Variants in MAP4 observed in about 807,000 individuals in gnomAD.
MAP4 encodes microtubule associated protein 4.
A neutral mutation model predicts 170.2 loss-of-function variants in MAP4; 76 were observed. That is an observed-to-expected ratio of 0.45 (90% CI 0.37 to 0.54). The LOEUF is 0.54. Among genes scored for constraint, MAP4 ranks in the 20% least tolerant of loss-of-function variants. MAP4 has a pLI of 0.00. For missense variants in MAP4, 2,506 were observed against 2,748.0 expected (o/e 0.91, Z 1.97); for synonymous variants, 909 against 994.5 (o/e 0.91, Z 1.62).
chr3:47,897,204 A>C (rs2100027332), intron 10 of MAP4, among the ~76,000 whole-genome samples: 1 of 151,994 alleles, frequency 6.6e-6, no homozygotes. Flanking sequence ...TCGGCTAACT[A>C]CAACCTCTGC....
intron 1 of MAP4, among the ~76,000 whole-genome samples, chr3:48,021,697 TTCAAA>T (rs1344236755): frequency 2.0e-5 from 3 of 152,194 alleles, no homozygotes; most frequent in African/African-American, 7.2e-5. Flanking sequence ...GTTTTTTCTT[TTCAAA>T]TCAAACTGAA....
intron 2 of MAP4, among the ~76,000 whole-genome samples, chr3:47,983,756 T>C (rs2100086874): frequency 1.3e-5 from 2 of 152,030 alleles, no homozygotes; most frequent in Admixed American, 1.3e-4. Context: ...TGGGCTCAAG[T>C]GGTACTCCTG....
At chr3:47,928,387 T>A (rs760166310) in intron 3 of MAP4, 37 bp from the exon 4 acceptor site, 41 of 1,609,544 alleles carry the variant, frequency 2.5e-5, no homozygotes, top group Non-Finnish European at 3.3e-5. Flanking sequence ...TTACAAGATA[T>A]TACAGTTTTC....
chr3:48,068,382 C>T (rs2100139340), intron 1 of MAP4, among the ~76,000 whole-genome samples: 1 of 151,924 alleles, frequency 6.6e-6, no homozygotes, highest in African/African-American at 2.4e-5. Context: ...GCACCATGAT[C>T]TCCTTAAGGC....
At chr3:48,076,353 T>C (rs570231823) in intron 1 of MAP4, among the ~76,000 whole-genome samples, 1 of 150,708 alleles carries the variant, frequency 6.6e-6, no homozygotes, top group African/African-American at 2.4e-5. Flanking sequence ...AAAAAAAAAA[T>C]TAGCCGGGCA....
chr3:47,930,241 C>G (rs1185675411), intron 3 of MAP4, among the ~76,000 whole-genome samples: 2 of 150,698 alleles, frequency 1.3e-5, no homozygotes, highest in Non-Finnish European at 3.0e-5. Flanking sequence ...GTCAGGAGAT[C>G]GAGACCATCC....
At chr3:48,069,689 T>C (rs964647098) in intron 1 of MAP4, among the ~76,000 whole-genome samples, 2 of 152,198 alleles carry the variant, frequency 1.3e-5, no homozygotes, top group Non-Finnish European at 2.9e-5. Context: ...TCCCTATTAT[T>C]GTTATCTTAT....
rs1337539753 is a variant in MAP4 at position 47,959,573 on chromosome 3, G to A, written c.292+18292C>T. ...AGATCGAGACCATCCTGGCTAACAC[G>A]GTGAAACCCCGTCTCTACTAAAAAT... On this transcript the variant is annotated intron_variant, in intron 3 of 20. Coordinates refer to ENST00000683076, the MANE Select transcript of MAP4 (RefSeq NM_001385682.1). 3.9e-5 allele frequency among the ~76,000 whole-genome samples: 6 copies of A among 151,972 alleles called. No individual in the cohort carries two copies. The South Asian group carries it at 8.3e-4, about 21-fold the overall frequency.
chr3:47,871,001 C>A lies in MAP4; in HGVS notation c.6106G>T (p.Ala2036Ser), dbSNP rs35350483. Residue 2036 changes from alanine to serine, a missense_variant, in exon 15 of 21, where the codon GCC becomes TCC. By Grantham distance (99) the Ala-to-Ser change is moderately conservative. Coordinates refer to ENST00000683076, the MANE Select transcript of MAP4 (RefSeq NM_001385682.1). ...GAGGGCCGGGAGGGCATGGGTGTGG[C>A]CTTGACTCGGCTGGGAACCACCCCT... ...AAGVVPSRVKATPMPSRPSTT... is the reference protein window; with the variant it reads ...AAGVVPSRVKSTPMPSRPSTT... 4.3e-6 allele frequency: 7 copies of A among 1,614,044 alleles called. No homozygotes were observed. The highest frequency in any genetic ancestry group is 5.9e-6 in the Non-Finnish European group (7 of 1,180,020).
intron 19 of MAP4, among the ~76,000 whole-genome samples, chr3:47,854,478 C>T (rs1432483483): frequency 4.6e-5 from 7 of 152,200 alleles, no homozygotes; most frequent in African/African-American, 1.4e-4. Context: ...CTCCTGGCCC[C>T]TCTCCCCTGC....
rs2041137846 is a variant in MAP4 at position 47,851,065 on chromosome 3, GCCC to G, written c.*1866_*1868del. The G allele has an allele frequency of 1.3e-5, 2 of 152,264 alleles. No individual in the cohort carries two copies. The highest frequency in any genetic ancestry group is 2.9e-5 in the Non-Finnish European group (2 of 68,086). The allele number at this position is 152,264 out of a possible 1,614,324, so 9.4% of individuals were successfully genotyped here. A position where few individuals can be genotyped will look rare whatever the true frequency, so the allele number is the denominator to read the frequency against. On this transcript the variant is annotated 3_prime_UTR_variant, in exon 21 of 21. Coordinates refer to ENST00000683076, the MANE Select transcript of MAP4 (RefSeq NM_001385682.1). ...GCAGGTACTCTGGGCCTGTGCTGTT[GCCC>G]CTGAGGTGTCTCCTGACTACGCAAC...
In MAP4 at chr3:47,898,781, C is replaced by T. The variant is rs2100028424; in HGVS notation, c.5434+4169G>A. Reference sequence around the variant, plus strand: ...CAACATAGCAGGACCCACATCTATACAAAAAAAATAAGAAAAAAATGTTTT... The same window carrying T: ...CAACATAGCAGGACCCACATCTATATAAAAAAAATAAGAAAAAAATGTTTT... On this transcript the variant is annotated intron_variant, in intron 10 of 20. Transcript: ENST00000683076. Among the ~76,000 whole-genome samples the T allele has an allele frequency of 2.6e-5, 4 of 151,624 alleles. No individual in the cohort carries two copies. In the South Asian group the frequency reaches 8.4e-4, roughly 32 times the overall value.
chr3:47,961,093 G>GT (rs1324268555), intron 3 of MAP4: 1 of 153,404 alleles, frequency 6.5e-6, no homozygotes, highest in African/African-American at 2.4e-5. Flanking sequence ...CTCACTGTCA[G>GT]TGATACTGCC....
chr3:47,933,119 G>A (rs2100050826), intron 3 of MAP4, among the ~76,000 whole-genome samples: 1 of 151,968 alleles, frequency 6.6e-6, no homozygotes, highest in Admixed American at 6.6e-5. Flanking sequence ...TATGCTAAGT[G>A]AGGAAATCAA....
At chr3:47,955,476 ACACACT>A (rs1294755454) in intron 3 of MAP4, among the ~76,000 whole-genome samples, 2 of 146,238 alleles carry the variant, frequency 1.4e-5, no homozygotes, top group African/African-American at 5.0e-5. Flanking sequence ...ACACACACAC[ACACACT>A]AGTCAACTAT....
intron 2 of MAP4, among the ~76,000 whole-genome samples, chr3:47,982,575 T>A (rs2154296577): frequency 6.6e-6 from 1 of 152,292 alleles, no homozygotes; most frequent in East Asian, 1.9e-4. Flanking sequence ...ACTAAACTTT[T>A]GCTACAAAAT....
At chr3:47,921,522 CA>C (rs201439995) in intron 5 of MAP4, among the ~76,000 whole-genome samples, 21 of 149,926 alleles carry the variant, frequency 1.4e-4, no homozygotes, top group Middle Eastern at 3.5e-3. Context: ...TCTCACCTCT[CA>C]AAAAAAAAAT....
intron 1 of MAP4, among the ~76,000 whole-genome samples, chr3:47,999,247 A>G (rs2100097893): frequency 6.6e-6 from 1 of 152,218 alleles, no homozygotes; most frequent in South Asian, 2.1e-4. Flanking sequence ...TTACATAGTT[A>G]CATTACTATC....
intron 1 of MAP4, among the ~76,000 whole-genome samples, chr3:48,035,919 G>A (rs563833486): frequency 4.6e-5 from 7 of 152,100 alleles, no homozygotes; most frequent in South Asian, 4.1e-4. Flanking sequence ...CAGCCTGGGC[G>A]ACAGAGCGAG....
Sources: allele counts gnomAD v4.1 joint callset (sites outside exome capture counted in the v4.1 genomes callset), GRCh38; gene constraint gnomAD v4.1.1; transcripts MANE v1.5; gene names NCBI Gene and HGNC (gene_info 2026-07-23, HGNC 2026-07-21).